The following PCNX1 variants were observed in gnomAD, a reference collection of about 807,000 sequenced individuals.
PCNX1 encodes pecanex 1.
In PCNX1, 78 loss-of-function variants were observed where a neutral mutation model predicts 242.2. That is an observed-to-expected ratio of 0.32 (90% CI 0.27 to 0.39). The LOEUF (loss-of-function observed/expected upper bound fraction) is 0.39. Among genes scored for constraint, PCNX1 ranks in the 10% least tolerant of loss-of-function variants. The pLI, the probability that PCNX1 is intolerant of heterozygous loss-of-function variation, is 1.00. For synonymous variants in PCNX1, 1,024 were observed against 1,032.9 expected (o/e 0.99, Z 0.17); for missense variants, 2,581 against 2,856.5 (o/e 0.90, Z 2.20).
At chr14:70,955,537 C>T (rs934188277) in intron 2 of PCNX1, among the ~76,000 whole-genome samples, 3 of 152,182 alleles carry the variant, frequency 2.0e-5, no homozygotes, top group Admixed American at 1.3e-4. Flanking sequence ...TAGATCCCTT[C>T]TGCTTTTCTG....
intron 19 of PCNX1, among the ~76,000 whole-genome samples, chr14:71,041,786 T>TACTAC (rs2060713482): frequency 1.1e-5 from 1 of 89,930 alleles, no homozygotes; most frequent in Admixed American, 1.3e-4. Flanking sequence ...ATTGCTACTA[T>TACTAC]ACTATACTAT....
chr14:71,097,294 T>A (rs2062317177), intron 30 of PCNX1, among the ~76,000 whole-genome samples: 1 of 152,232 alleles, frequency 6.6e-6, no homozygotes, highest in African/African-American at 2.4e-5. Context: ...TGTGTATTTT[T>A]GGTAGAACAA....
rs772947713 is a variant in PCNX1 at position 71,076,175 on chromosome 14, C to A, written c.5107-14C>A. The A allele has an allele frequency of 2.2e-6, 3 of 1,369,084 alleles. No homozygotes were observed. Among genetic ancestry groups the A allele is most frequent in the African/African-American group, 1.5e-5 (1 of 66,586 alleles). 84.8% of individuals were successfully genotyped at this position (1,369,084 alleles called of 1,614,324 possible). On this transcript the variant is annotated splice_polypyrimidine_tract_variant and intron_variant, in intron 27 of 35. Transcript: ENST00000304743. ...TTAATCTGAATTCTTTTTTTTTTGT[C>A]TTGTTCATGTTAGGGTATCATTTAT... is the stretch of plus-strand genomic sequence containing the variant.
chr14:71,039,975 A>G (rs2060658297), intron 19 of PCNX1, among the ~76,000 whole-genome samples: 1 of 151,906 alleles, frequency 6.6e-6, no homozygotes, highest in African/African-American at 2.4e-5. Context: ...AAGATTTCCT[A>G]GGACATTTCT....
At chr14:70,941,836 G>A (rs752394421) in intron 1 of PCNX1, among the ~76,000 whole-genome samples, 11 of 152,140 alleles carry the variant, frequency 7.2e-5, no homozygotes, top group East Asian at 5.8e-4. Flanking sequence ...AATGGCGGAC[G>A]CCCCTCCCCC....
chr14:71,032,225 G>A (rs2060408434), intron 16 of PCNX1, among the ~76,000 whole-genome samples: 1 of 152,180 alleles, frequency 6.6e-6, no homozygotes, highest in Non-Finnish European at 1.5e-5. Flanking sequence ...TTATCACTGT[G>A]TAAATGCTCT....
chr14:71,109,775 G>T lies in PCNX1; in HGVS notation c.6886-20G>T. 6.2e-7 allele frequency: 1 copy of T among 1,613,298 alleles called. No individual in the cohort carries two copies. Among genetic ancestry groups the T allele is most frequent in the Non-Finnish European group, 8.5e-7 (1 of 1,179,326 alleles). ...TCCAGGTCTCCAGTGCTAACTTCTT[G>T]TTTTATTCTGAATCATTAGGTGATT... is the stretch of plus-strand genomic sequence containing the variant. On this transcript the variant is annotated intron_variant, in intron 35 of 35. Coordinates refer to ENST00000304743, the MANE Select transcript of PCNX1 (RefSeq NM_014982.3).
At chr14:70,962,449 A>G in intron 3 of PCNX1, 118 bp downstream of exon 3, 1 of 603,082 alleles carries the variant, frequency 1.7e-6, no homozygotes, top group Non-Finnish European at 3.0e-6. Context: ...ATTATTTTTA[A>G]TTGCTTATTA....
At position 71,115,111 on chromosome 14, in the gene PCNX1, A is replaced by G. The variant is rs987181786; in HGVS notation, c.*5176A>G. The G allele has an allele frequency of 2.0e-5, 3 of 152,630 alleles. No homozygotes were observed. Among genetic ancestry groups the G allele is most frequent in the Admixed American group, 6.5e-5 (1 of 15,276 alleles). 9.5% of individuals were successfully genotyped at this position (152,630 alleles called of 1,614,324 possible). A position where few individuals can be genotyped will look rare whatever the true frequency, so the allele number is the denominator to read the frequency against. On this transcript the variant is annotated 3_prime_UTR_variant, in exon 36 of 36. Transcript: ENST00000304743. ...TGATTCTAGGAAAGTGAACGTAAGAAAGGAAAATGGGTTTTCCTTTTCTGA... is the reference window on the plus strand; with the variant it reads ...TGATTCTAGGAAAGTGAACGTAAGAGAGGAAAATGGGTTTTCCTTTTCTGA...
At chr14:70,986,842 A>G (rs1300216016) in intron 6 of PCNX1, among the ~76,000 whole-genome samples, 1 of 152,242 alleles carries the variant, frequency 6.6e-6, no homozygotes, top group Non-Finnish European at 1.5e-5. Flanking sequence ...ATAATGCTTT[A>G]TAAATAATAG....
intron 1 of PCNX1, among the ~76,000 whole-genome samples, chr14:70,917,766 CT>C (rs1181072274): frequency 1.3e-5 from 2 of 152,222 alleles, no homozygotes; most frequent in Non-Finnish European, 2.9e-5. Flanking sequence ...GTCAGCCTGT[CT>C]TTTGAAGCTT....
intron 11 of PCNX1, among the ~76,000 whole-genome samples, chr14:71,014,858 A>G (rs1049293194): frequency 3.1e-4 from 47 of 152,306 alleles, no homozygotes; most frequent in Admixed American, 9.8e-4. Flanking sequence ...AACTGTGAAT[A>G]TACATTCAGG....
intron 26 of PCNX1, among the ~76,000 whole-genome samples, chr14:71,067,649 T>C (rs986650210): frequency 2.0e-5 from 3 of 152,180 alleles, no homozygotes; most frequent in Admixed American, 2.0e-4. Context: ...TTCTGCTACC[T>C]TTTGAATTCG....
At chr14:71,048,396 A>C (rs1370097285) in intron 22 of PCNX1, among the ~76,000 whole-genome samples, 1 of 152,138 alleles carries the variant, frequency 6.6e-6, no homozygotes, top group Non-Finnish European at 1.5e-5. Flanking sequence ...GCTTGATGTG[A>C]TATTTGCAGA....
chr14:71,108,520 G>A, intron 33 of PCNX1, 84 bp from the exon 34 acceptor site: 1 of 1,087,820 alleles, frequency 9.2e-7, no homozygotes, highest in South Asian at 1.5e-5. Context: ...ATTGCTTAGG[G>A]GAAAAAGTCT....
chr14:71,013,273 A>G, intron 11 of PCNX1, 71 bp downstream of exon 11: 3 of 1,189,406 alleles, frequency 2.5e-6, no homozygotes, highest in South Asian at 2.4e-5. Flanking sequence ...TTAATTACCC[A>G]CTGAGGTTTT....
In PCNX1 at chr14:71,033,477, G is replaced by A; in HGVS notation, c.3607G>A (p.Gly1203Ser). Residue 1203 changes from glycine to serine, a missense_variant, in exon 17 of 36, where the codon GGT becomes AGT. By Grantham distance (56) the Gly-to-Ser change is moderately conservative. This residue lies in a region of PCNX1 where 432 missense variants were observed against 443.1 expected (regional missense o/e 0.97). Transcript: ENST00000304743. ...TCCAGTACTTTTCTCCATTTTTTGT[G>A]GTTTATTAGTGGCAGTGTCTTACCA... ...HIPVLFSIFCGLLVAVSYHLS... is the reference protein window; with the variant it reads ...HIPVLFSIFCSLLVAVSYHLS... 1.9e-6 allele frequency: 3 copies of A among 1,610,468 alleles called. No homozygotes were observed. Among genetic ancestry groups the A allele is most frequent in the East Asian group, 4.5e-5 (2 of 44,790 alleles).
chr14:70,987,740 G>T (rs891623111), intron 6 of PCNX1, among the ~76,000 whole-genome samples: 1 of 152,192 alleles, frequency 6.6e-6, no homozygotes, highest in Non-Finnish European at 1.5e-5. Context: ...GATCTGTGTA[G>T]TTCTACTAAG....
chr14:71,002,135 T>C (rs1373606603), intron 8 of PCNX1, among the ~76,000 whole-genome samples: 2 of 152,150 alleles, frequency 1.3e-5, no homozygotes, highest in African/African-American at 4.8e-5. Context: ...ACACAGAAAA[T>C]ACTCTTGGCA....
Sources: allele counts gnomAD v4.1 joint callset (sites outside exome capture counted in the v4.1 genomes callset), GRCh38; gene constraint gnomAD v4.1.1; regional missense constraint gnomAD v4.1.1; transcripts MANE v1.5; gene names NCBI Gene and HGNC (gene_info 2026-07-23, HGNC 2026-07-21).